The following SYN3 variants were observed in gnomAD, a reference collection of about 807,000 sequenced individuals.
The protein encoded by SYN3 is synapsin-3.
A neutral mutation model predicts 65.8 loss-of-function variants in SYN3; 35 were observed. That is an observed-to-expected ratio of 0.53 (90% CI 0.41 to 0.70). The LOEUF (loss-of-function observed/expected upper bound fraction) is 0.70. Among genes scored for constraint, SYN3 ranks in the 30% least tolerant of loss-of-function variants. SYN3 has a pLI of 0.00. For missense variants in SYN3, 680 were observed against 749.0 expected (o/e 0.91, Z 1.08); for synonymous variants, 270 against 292.9 (o/e 0.92, Z 0.80).
At chr22:32,537,200 C>T (rs545827138) in intron 9 of SYN3, among the ~76,000 whole-genome samples, 2 of 152,026 alleles carry the variant, frequency 1.3e-5, no homozygotes, top group East Asian at 1.9e-4. Context: ...GCTCTTTTTG[C>T]CCAGGCTGGA....
chr22:32,735,687 C>T (rs76285417), intron 6 of SYN3, among the ~76,000 whole-genome samples: 3,408 of 152,266 alleles, frequency 0.022, 70 homozygotes, highest in East Asian at 0.054. Flanking sequence ...AGGCCTCCCA[C>T]GCTGACTCCT....
intron 6 of SYN3, among the ~76,000 whole-genome samples, chr22:32,683,271 T>C (rs1601907129): frequency 6.6e-6 from 1 of 152,090 alleles, no homozygotes; most frequent in Non-Finnish European, 1.5e-5. Flanking sequence ...ATGATGTTGA[T>C]GACATTTTCT....
At chr22:32,845,168 C>G (rs911261263) in intron 6 of SYN3, among the ~76,000 whole-genome samples, 2 of 152,042 alleles carry the variant, frequency 1.3e-5, no homozygotes, top group Admixed American at 6.6e-5. Context: ...CTGATTGGTG[C>G]TTCTGTACCT....
At chr22:32,925,866 C>CT (rs34649323) in intron 4 of SYN3, among the ~76,000 whole-genome samples, 8,280 of 132,596 alleles carry the variant, frequency 0.062, 413 homozygotes, top group East Asian at 0.11. Flanking sequence ...GATAGTTGTT[C>CT]TTTTTTTTTT....
intron 6 of SYN3, among the ~76,000 whole-genome samples, chr22:32,623,746 T>C (rs776886544): frequency 2.0e-5 from 3 of 152,236 alleles, no homozygotes; most frequent in Non-Finnish European, 4.4e-5. Context: ...TCCATCTTCA[T>C]AGGACTTATT....
chr22:32,735,029 T>C (rs1468519701), intron 6 of SYN3, among the ~76,000 whole-genome samples: 1 of 152,108 alleles, frequency 6.6e-6, no homozygotes, highest in Non-Finnish European at 1.5e-5. Flanking sequence ...TGAGGGGCAA[T>C]TGCGCAGGAT....
intron 6 of SYN3, among the ~76,000 whole-genome samples, chr22:32,848,896 C>T (rs1220377281): frequency 6.6e-6 from 1 of 152,180 alleles, no homozygotes; most frequent in African/African-American, 2.4e-5. Flanking sequence ...CCCTTGCTAT[C>T]TAAGCACTGG....
intron 6 of SYN3, among the ~76,000 whole-genome samples, chr22:32,617,341 G>A (rs184999463): frequency 7.0e-4 from 107 of 152,268 alleles, no homozygotes; most frequent in Non-Finnish European, 1.3e-3. Context: ...GGTTTGGAGC[G>A]GGGATGGGTG....
At chr22:32,999,695 A>G (rs573121623) in intron 2 of SYN3, among the ~76,000 whole-genome samples, 3 of 56,600 alleles carry the variant, frequency 5.3e-5, no homozygotes, top group Admixed American at 4.9e-4. Context: ...AAAAACAAAA[A>G]CAAAACAAAA....
At chr22:32,779,999 C>G (rs958160016) in intron 6 of SYN3, among the ~76,000 whole-genome samples, 1 of 134,682 alleles carries the variant, frequency 7.4e-6, no homozygotes, top group African/African-American at 2.8e-5. Context: ...ATGGCCTGCC[C>G]TAAAGATTGC....
chr22:32,631,060 G>A lies in SYN3; in HGVS notation c.712-34324C>T, dbSNP rs539398537. On this transcript the variant is annotated intron_variant, in intron 6 of 13. Transcript: ENST00000358763. ...TGTAATCCCAGCAATTTGGGAGGCC[G>A]AGGCGGGCGGATCACCTGAGGTCAG... 1.2e-4 allele frequency among the ~76,000 whole-genome samples: 18 copies of A among 147,670 alleles called. No individual in the cohort carries two copies. In the East Asian group the frequency reaches 2.9e-3, roughly 24 times the overall value.
chr22:32,954,688 A>T (rs2051393926), intron 3 of SYN3, among the ~76,000 whole-genome samples: 1 of 152,178 alleles, frequency 6.6e-6, no homozygotes, highest in Non-Finnish European at 1.5e-5. Context: ...TGAACCAGAA[A>T]CTGCAAGAGG....
intron 1 of SYN3, among the ~76,000 whole-genome samples, chr22:33,013,436 AT>A (rs1260916759): frequency 1.3e-5 from 2 of 152,170 alleles, no homozygotes; most frequent in Admixed American, 6.5e-5. Context: ...TAAAAATTTC[AT>A]TTTCAATTGA....
intron 12 of SYN3, 43 bp downstream of exon 12, chr22:32,527,875 C>T: frequency 2.0e-6 from 3 of 1,526,642 alleles, no homozygotes; most frequent in East Asian, 4.8e-5. Flanking sequence ...ATTTCAGCAC[C>T]CTCACTGCAT....
chr22:32,923,973 A>AG (rs56223625), intron 4 of SYN3, among the ~76,000 whole-genome samples: 152,292 of 152,294 alleles, frequency 1, 76,145 homozygotes, highest in Non-Finnish European at 1. Context: ...TAGTTTGCTA[A>AG]GGTAATGGCC....
At chr22:32,929,888 C>T (rs2050579318) in intron 4 of SYN3, among the ~76,000 whole-genome samples, 1 of 152,080 alleles carries the variant, frequency 6.6e-6, no homozygotes, top group Admixed American at 6.6e-5. Context: ...TACTCATTTA[C>T]CTGTCTGGGT....
intron 1 of SYN3, among the ~76,000 whole-genome samples, chr22:33,009,562 T>C (rs1308506601): frequency 6.6e-6 from 1 of 152,098 alleles, no homozygotes; most frequent in Non-Finnish European, 1.5e-5. Context: ...TACCATTCTG[T>C]GGCTTGCTGC....
chr22:32,746,299 G>A (rs1464492801), intron 6 of SYN3, among the ~76,000 whole-genome samples: 1 of 152,168 alleles, frequency 6.6e-6, no homozygotes, highest in Non-Finnish European at 1.5e-5. Context: ...CAGACAGTTG[G>A]TCTGATTGGA....
rs571042443 is a variant in SYN3 at position 32,914,474 on chromosome 22, G to C, written c.461+16916C>G. On this transcript the variant is annotated intron_variant, in intron 4 of 13. Coordinates refer to ENST00000358763, the MANE Select transcript of SYN3 (RefSeq NM_003490.4). ...TTTTTTTGAGACGGAGTCTCGCTCTGTTGCCCAGGCTGGAGTGCAGTGGCA... is the reference window on the plus strand; with the variant it reads ...TTTTTTTGAGACGGAGTCTCGCTCTCTTGCCCAGGCTGGAGTGCAGTGGCA... Among the ~76,000 whole-genome samples the C allele has an allele frequency of 4.9e-5, 7 of 142,638 alleles. No individual in the cohort carries two copies. The East Asian group carries it at 1.5e-3, about 30-fold the overall frequency. 93.6% of individuals were successfully genotyped at this position (142,638 alleles called of 152,430 possible).
Sources: allele counts gnomAD v4.1 joint callset (sites outside exome capture counted in the v4.1 genomes callset), GRCh38; gene constraint gnomAD v4.1.1; transcripts MANE v1.5; gene names NCBI Gene and HGNC (gene_info 2026-07-23, HGNC 2026-07-21).